The following PDZD2 variants were observed in gnomAD, a reference collection of about 807,000 sequenced individuals.
The protein encoded by PDZD2 is PDZ domain containing 2.
A neutral mutation model predicts 220.7 loss-of-function variants in PDZD2; 90 were observed. The ratio of observed to expected loss-of-function variants is 0.41; its 90% confidence interval spans 0.34 to 0.49. The LOEUF is 0.49. PDZD2 is among the 20% of genes least tolerant of loss of function. The pLI, the probability that PDZD2 is intolerant of heterozygous loss-of-function variation, is 0.28. For synonymous variants in PDZD2, 1,375 were observed against 1,450.5 expected, an observed-to-expected ratio of 0.95 and a Z score of 1.18; for missense variants, 3,174 against 3,608.5, an observed-to-expected ratio of 0.88 and a Z score of 3.08.
intron 1 of PDZD2, among the ~76,000 whole-genome samples, chr5:31,731,945 C>G (rs997620967): frequency 6.6e-6 from 1 of 152,214 alleles, no homozygotes; most frequent in African/African-American, 2.4e-5. Flanking sequence ...TGGTTTAGCT[C>G]CTGGGCTGCC....
intron 10 of PDZD2, among the ~76,000 whole-genome samples, chr5:32,056,692 T>C (rs1269863257): frequency 2.0e-5 from 3 of 152,224 alleles, no homozygotes; most frequent in African/African-American, 7.2e-5. Flanking sequence ...AGCATATTCC[T>C]GCACATGCCT....
rs951005511 is a variant in PDZD2 at position 32,051,934 on chromosome 5, G to A, written c.1666-677G>A. Among the ~76,000 whole-genome samples, 54 of 152,168 alleles carry A rather than the reference G, an allele frequency of 3.5e-4. 1 individual carries two copies. Among genetic ancestry groups the A allele is most frequent in the African/African-American group, 1.3e-3 (53 of 41,438 alleles). On this transcript the variant is annotated intron_variant, in intron 8 of 24. Coordinates refer to ENST00000438447, the MANE Select transcript of PDZD2 (RefSeq NM_178140.4). ...CTTTCTAACCATGATGGTGAACTTG[G>A]GATGGAGGCAGGGGTGACTACCAAG...
At position 32,073,208 on chromosome 5, in the gene PDZD2, A is replaced by G. The variant is rs190006659; in HGVS notation, c.2726-624A>G. 2.3e-3 allele frequency among the ~76,000 whole-genome samples: 349 copies of G among 152,324 alleles called. 2 individuals carry two copies. The highest frequency in any genetic ancestry group is 7.8e-3 in the African/African-American group (326 of 41,576). ...CCACTCTGACTCATTCGGAGCTATCAATGAGTTTGCTCTGTTCTTATAGAA... is the reference window on the plus strand; with the variant it reads ...CCACTCTGACTCATTCGGAGCTATCGATGAGTTTGCTCTGTTCTTATAGAA... On this transcript the variant is annotated intron_variant, in intron 17 of 24. Transcript: ENST00000438447.
intron 3 of PDZD2, among the ~76,000 whole-genome samples, chr5:31,989,416 C>CTTTTTTTTTTTTTTTTTTTTTATT (rs1385913596): frequency 1.7e-5 from 2 of 120,680 alleles, no homozygotes; most frequent in African/African-American, 7.1e-5. Flanking sequence ...ACCACATTTT[C>CTTTTTTTTTTTTTTTTTTTTTATT]TTTTCTTTTT....
chr5:31,854,188 T>C (rs1041544086), intron 2 of PDZD2, among the ~76,000 whole-genome samples: 1 of 152,238 alleles, frequency 6.6e-6, no homozygotes, highest in Non-Finnish European at 1.5e-5. Flanking sequence ...TTCCCATTAA[T>C]TTAAGACAGG....
intron 1 of PDZD2, among the ~76,000 whole-genome samples, chr5:31,724,526 C>T (rs1481806629): frequency 1.3e-5 from 2 of 148,534 alleles, no homozygotes; most frequent in Admixed American, 6.9e-5. Flanking sequence ...CGCTTGAACC[C>T]GGGAGGTGGA....
At chr5:31,859,936 G>T (rs1411777509) in intron 2 of PDZD2, among the ~76,000 whole-genome samples, 1 of 152,140 alleles carries the variant, frequency 6.6e-6, no homozygotes, top group African/African-American at 2.4e-5. Flanking sequence ...AAGCTCTCAG[G>T]TGATTGAAAT....
At chr5:31,664,494 A>T (rs2150113907) in intron 1 of PDZD2, among the ~76,000 whole-genome samples, 1 of 152,008 alleles carries the variant, frequency 6.6e-6, no homozygotes, top group South Asian at 2.1e-4. Flanking sequence ...ATGCATGCGT[A>T]CACACACATA....
At chr5:31,929,813 T>C (rs1486256760) in intron 2 of PDZD2, among the ~76,000 whole-genome samples, 1 of 152,072 alleles carries the variant, frequency 6.6e-6, no homozygotes, top group Non-Finnish European at 1.5e-5. Context: ...GGCATTGATA[T>C]AGTTTGCATG....
Position 31,983,365 on chromosome 5 carries a change from G to A in PDZD2, c.687G>A (p.Lys229=). Residue 229 remains lysine (K), a synonymous_variant, in exon 3 of 25, where the codon AAG becomes AAA. Coordinates refer to ENST00000438447, the MANE Select transcript of PDZD2 (RefSeq NM_178140.4). ...TCATCTCCAGGCCTCCTGCCAACAA[G>A]GCCCCTGAAGAATCCAAGGGCAGCG... The part of the protein sequence containing the change: ...FGVISRPPAN[K]APEESKGSAG... 6.2e-7 allele frequency: 1 copy of A among 1,614,184 alleles called. No individual in the cohort carries two copies. The highest frequency in any genetic ancestry group is 8.5e-7 in the Non-Finnish European group (1 of 1,180,026).
At chr5:31,705,071 G>A (rs1369692956) in intron 1 of PDZD2, among the ~76,000 whole-genome samples, 1 of 152,122 alleles carries the variant, frequency 6.6e-6, no homozygotes, top group African/African-American at 2.4e-5. Flanking sequence ...TGAGGCAGGA[G>A]AATCAGTGGA....
In PDZD2 at chr5:31,831,547, G is replaced by C. The variant is rs183030423; in HGVS notation, c.476+31823G>C. The stretch of plus-strand genomic sequence containing the variant: ...GTGGTTCACAAGGTCAAGATATCAA[G>C]ACCATCCTGGCTAACATGGTGAAAC... On this transcript the variant is annotated intron_variant, in intron 2 of 24. Transcript: ENST00000438447. Among the ~76,000 whole-genome samples the C allele has an allele frequency of 2.4e-3, 372 of 152,278 alleles. 3 individuals are homozygous for C. The highest frequency in any genetic ancestry group is 8.7e-3 in the African/African-American group (362 of 41,552).
chr5:31,807,251 T>C (rs779606858), intron 2 of PDZD2, among the ~76,000 whole-genome samples: 2 of 152,132 alleles, frequency 1.3e-5, no homozygotes, highest in Non-Finnish European at 2.9e-5. Flanking sequence ...TGTACAGTAA[T>C]AAACGTGAGC....
At chr5:31,665,559 G>C (rs1745949603) in intron 1 of PDZD2, among the ~76,000 whole-genome samples, 2 of 152,010 alleles carry the variant, frequency 1.3e-5, no homozygotes, top group Non-Finnish European at 2.9e-5. Context: ...TTGGATCATG[G>C]GGGCGGTTTC....
At chr5:31,732,783 G>A (rs1463418246) in intron 1 of PDZD2, among the ~76,000 whole-genome samples, 1 of 152,126 alleles carries the variant, frequency 6.6e-6, no homozygotes, top group East Asian at 1.9e-4. Flanking sequence ...GACTGGAGTG[G>A]AGTGGTATGA....
chr5:31,905,244 A>G (rs1043481175), intron 2 of PDZD2, among the ~76,000 whole-genome samples: 3 of 152,064 alleles, frequency 2.0e-5, no homozygotes. Context: ...TCAGCCTCCC[A>G]AAGTGCTGGG....
At chr5:31,748,648 G>T (rs890002485) in intron 1 of PDZD2, among the ~76,000 whole-genome samples, 1 of 152,190 alleles carries the variant, frequency 6.6e-6, no homozygotes, top group African/African-American at 2.4e-5. Flanking sequence ...AGGCATTCCT[G>T]GCAAGGGGTG....
intron 1 of PDZD2, among the ~76,000 whole-genome samples, chr5:31,696,954 C>G (rs939442100): frequency 1.1e-4 from 16 of 152,218 alleles, no homozygotes; most frequent in African/African-American, 3.9e-4. Context: ...TCCTTGAATC[C>G]CAGGCCACAG....
chr5:32,109,043 C>CACA lies in PDZD2; in HGVS notation c.*909_*910insCAA, dbSNP rs1561629315. 3.4e-5 allele frequency: 1 copy of CACA among 29,080 alleles called. No individual in the cohort carries two copies. Among genetic ancestry groups the CACA allele is most frequent in the African/African-American group, 7.3e-5 (1 of 13,676 alleles). The allele number at this position is 29,080 out of a possible 1,614,324, so 1.8% of individuals were successfully genotyped here. On this transcript the variant is annotated 3_prime_UTR_variant, in exon 25 of 25. Transcript: ENST00000438447. The stretch of plus-strand genomic sequence containing the variant: ...AAGAGCAGACAAAAATATCACAAGT[C>CACA]AGTCAGTCACTGGGTTTCCATTTCT...
Sources: allele counts gnomAD v4.1 joint callset (sites outside exome capture counted in the v4.1 genomes callset), GRCh38; gene constraint gnomAD v4.1.1; transcripts MANE v1.5; gene names NCBI Gene and HGNC (gene_info 2026-07-23, HGNC 2026-07-21).